The following GAB1 variants were observed in gnomAD, a reference collection of about 807,000 sequenced individuals.
GAB1 encodes GRB2-associated-binding protein 1.
GAB1 carries 19 observed loss-of-function variants against 66.5 expected under a neutral mutation model. The observed-to-expected ratio is 0.29, with a 90% CI of 0.20 to 0.42. The LOEUF (loss-of-function observed/expected upper bound fraction) is 0.42, where lower values mean the gene tolerates loss of function less well. GAB1 is among the 10% of genes least tolerant of loss of function. The pLI is 1.00. For synonymous variants in GAB1, 294 were observed against 301.4 expected (o/e 0.98, Z 0.25); for missense variants, 732 against 858.5 (o/e 0.85, Z 1.84).
chr4:143,381,448 G>A (rs1313373973), intron 1 of GAB1, among the ~76,000 whole-genome samples: 1 of 152,118 alleles, frequency 6.6e-6, no homozygotes, highest in East Asian at 1.9e-4. Context: ...CGGCTGTAGT[G>A]GTTCAGCCCT....
At chr4:143,453,654 G>A (rs1019843981) in intron 6 of GAB1, among the ~76,000 whole-genome samples, 2 of 152,122 alleles carry the variant, frequency 1.3e-5, no homozygotes, top group African/African-American at 2.4e-5. Flanking sequence ...AGAACTTACT[G>A]TATACAAAAG....
At chr4:143,425,565 A>G in intron 2 of GAB1, 5 of 762,916 alleles carry the variant, frequency 6.6e-6, no homozygotes, top group Non-Finnish European at 1.2e-5. Flanking sequence ...CGTGGGTTTG[A>G]TGTGGATGCT....
chr4:143,355,166 CTATTCT>C lies in GAB1; in HGVS notation c.72+17909_72+17914del, dbSNP rs1729393387. ...AGAAGAAAAACATTTTTTACTCTTTCTATTCTTAATTTAGGCCTAGGAAATACCCTG... is the reference window on the plus strand; with the variant it reads ...AGAAGAAAAACATTTTTTACTCTTTCTAATTTAGGCCTAGGAAATACCCTG... On this transcript the variant is annotated intron_variant, in intron 1 of 9. Transcript: ENST00000262994. 1.1e-4 allele frequency among the ~76,000 whole-genome samples: 16 copies of C among 152,264 alleles called. No homozygotes were observed. In the South Asian group the frequency reaches 3.3e-3, roughly 32 times the overall value.
chr4:143,349,619 C>T (rs933893965), intron 1 of GAB1: 64 of 1,459,810 alleles, frequency 4.4e-5, no homozygotes, highest in Admixed American at 7.6e-5. Flanking sequence ...TTGCAAGGGA[C>T]GGTGTGGGGC....
chr4:143,342,082 T>C (rs1364622471), intron 1 of GAB1, among the ~76,000 whole-genome samples: 2 of 152,390 alleles, frequency 1.3e-5, no homozygotes, highest in Middle Eastern at 3.4e-3. Flanking sequence ...GAATGTTTTT[T>C]CTGTTAACAG....
rs1433397608 is a variant in GAB1 at position 143,433,548 on chromosome 4, T to C, written c.425T>C (p.Ile142Thr). 1 of 1,614,016 alleles carries C rather than the reference T, an allele frequency of 6.2e-7. No individual in the cohort carries two copies. The highest frequency in any genetic ancestry group is 1.1e-5 in the South Asian group (1 of 91,086). ...LQAPADLPLA[I>T]NTAPPSTQAD... ...GCACCAGCTGATTTACCTTTAGCTA[T>C]AAATACAGCACCACCATCCACCCAG... Residue 142 changes from isoleucine to threonine, a missense_variant, in exon 3 of 10, where the codon ATA becomes ACA. Transcript: ENST00000262994.
chr4:143,366,688 G>T (rs939047068), intron 1 of GAB1, among the ~76,000 whole-genome samples: 2 of 151,978 alleles, frequency 1.3e-5, no homozygotes, highest in Non-Finnish European at 2.9e-5. Context: ...GTATCTCATT[G>T]TGTGGATATA....
At position 143,474,127 on chromosome 4, in the gene GAB1, T is replaced by G. The variant is rs1048865822; in HGVS notation, c.*4938T>G. On this transcript the variant is annotated 3_prime_UTR_variant, in exon 10 of 10. Transcript: ENST00000262994. ...TATTAGCTGTTGTGATTGGGTAACA[T>G]GTCCCCTTAGATTTCCTGATTTAAA... 11 of 152,330 alleles carry G rather than the reference T, an allele frequency of 7.2e-5. No individual in the cohort carries two copies. In the East Asian group the frequency reaches 2.1e-3, roughly 29 times the overall value. 9.4% of individuals were successfully genotyped at this position (152,330 alleles called of 1,614,324 possible). A position where few individuals can be genotyped will look rare whatever the true frequency, so the allele number is the denominator to read the frequency against.
chr4:143,337,097 C>T lies in GAB1; in HGVS notation c.-92C>T. On this transcript the variant is annotated 5_prime_UTR_variant, in exon 1 of 10. Transcript: ENST00000262994. ...GGTGCGCGACCAGGAGAGCTAGGTT[C>T]TCGCCACTGCGCGCTCGGCAGGCGT... is the stretch of plus-strand genomic sequence containing the variant. 1 of 1,144,556 alleles carries T rather than the reference C, an allele frequency of 8.7e-7. No individual in the cohort carries two copies. Among genetic ancestry groups the T allele is most frequent in the African/African-American group, 1.6e-5 (1 of 63,876 alleles). 70.9% of individuals were successfully genotyped at this position (1,144,556 alleles called of 1,614,324 possible).
chr4:143,470,173 C>T lies in GAB1; in HGVS notation c.*984C>T, dbSNP rs1736008346. On this transcript the variant is annotated 3_prime_UTR_variant, in exon 10 of 10. Transcript: ENST00000262994. ...TGTGATTTTTAATTAGATAGTAATTCAGATTTATTACTCTATGAAATTCTG... is the reference window on the plus strand; with the variant it reads ...TGTGATTTTTAATTAGATAGTAATTTAGATTTATTACTCTATGAAATTCTG... The T allele has an allele frequency of 6.6e-6, 1 of 152,104 alleles. No individual in the cohort carries two copies. The highest frequency in any genetic ancestry group is 2.4e-5 in the African/African-American group (1 of 41,426). The allele number at this position is 152,104 out of a possible 1,614,324, so 9.4% of individuals were successfully genotyped here. A position where few individuals can be genotyped will look rare whatever the true frequency, so the allele number is the denominator to read the frequency against.
intron 1 of GAB1, among the ~76,000 whole-genome samples, chr4:143,399,255 AC>A (rs1390444861): frequency 6.6e-6 from 1 of 152,240 alleles, no homozygotes; most frequent in Non-Finnish European, 1.5e-5. Flanking sequence ...GCAATATACT[AC>A]CTAGATGCAA....
chr4:143,428,650 G>T (rs1209268604), intron 2 of GAB1, among the ~76,000 whole-genome samples: 1 of 152,090 alleles, frequency 6.6e-6, no homozygotes, highest in Non-Finnish European at 1.5e-5. Flanking sequence ...AATAAGCAGG[G>T]TAAGTTTAAA....
chr4:143,429,268 A>G (rs1423111105), intron 2 of GAB1, among the ~76,000 whole-genome samples: 2 of 151,968 alleles, frequency 1.3e-5, no homozygotes, highest in Admixed American at 1.3e-4. Context: ...ACACCTGGCT[A>G]ATTTTTGTAT....
chr4:143,386,230 T>G (rs1288882914), intron 1 of GAB1, among the ~76,000 whole-genome samples: 1 of 152,172 alleles, frequency 6.6e-6, no homozygotes, highest in Non-Finnish European at 1.5e-5. Flanking sequence ...GTATCCAAAA[T>G]GCATGGGACC....
intron 1 of GAB1, among the ~76,000 whole-genome samples, chr4:143,368,180 A>G (rs1284000088): frequency 1.4e-5 from 2 of 145,064 alleles, no homozygotes; most frequent in East Asian, 2.0e-4. Flanking sequence ...TTTTTTGAGG[A>G]AAAAAAAAAA....
chr4:143,444,630 A>T (rs35152330), intron 6 of GAB1, among the ~76,000 whole-genome samples: 39,030 of 151,946 alleles, frequency 0.26, 5,197 homozygotes, highest in South Asian at 0.31. Flanking sequence ...TTTTTATTTT[A>T]GTTTTAGGGG....
chr4:143,438,395 G>A lies in GAB1; in HGVS notation c.990G>A (p.Gln330=). Residue 330 remains glutamine (Q), a synonymous_variant, in exon 4 of 10, where the codon CAG becomes CAA. Coordinates refer to ENST00000262994, the MANE Select transcript of GAB1 (RefSeq NM_002039.4). ...PRTFPEGTLG[Q]TSKLDTIPDI... ...CATTTCCAGAAGGAACCTTGGGACA[G>A]ACATCAAAGCTAGACACTATTCCAG... 6.2e-7 allele frequency: 1 copy of A among 1,614,010 alleles called. No individual in the cohort carries two copies. The highest frequency in any genetic ancestry group is 8.5e-7 in the Non-Finnish European group (1 of 1,179,982).
chr4:143,414,677 AAAAAG>A (rs148184011), intron 1 of GAB1, among the ~76,000 whole-genome samples: 4,686 of 152,308 alleles, frequency 0.031, 114 homozygotes, highest in South Asian at 0.084. Flanking sequence ...CGCACCTAAA[AAAAAG>A]AGAAATCTTT....
chr4:143,375,162 G>C (rs1730359770), intron 1 of GAB1, among the ~76,000 whole-genome samples: 3 of 152,180 alleles, frequency 2.0e-5, no homozygotes, highest in Admixed American at 2.0e-4. Context: ...TGCCCAAGGT[G>C]GTCTTGAACT....
Sources: gnomAD v4.1 joint callset for allele counts (sites outside exome capture counted in the v4.1 genomes callset) on GRCh38, gnomAD v4.1.1 for gene constraint, MANE v1.5 for transcripts, NCBI Gene and HGNC (gene_info 2026-07-23, HGNC 2026-07-21) for gene names.